Variants in TLK1 observed in about 807,000 individuals in gnomAD.
TLK1 encodes the protein tousled like kinase 1.
A neutral mutation model predicts 105.3 loss-of-function variants in TLK1; 24 were observed. That is an observed-to-expected ratio of 0.23 (90% CI 0.17 to 0.32). The LOEUF (loss-of-function observed/expected upper bound fraction) is 0.32. Ranked by LOEUF, TLK1 falls within the 10% of genes least tolerant of loss-of-function variation. The pLI is 1.00. For synonymous variants in TLK1, 321 were observed against 310.4 expected, an observed-to-expected ratio of 1.03 and a Z score of -0.36; for missense variants, 558 against 910.5, an observed-to-expected ratio of 0.61 and a Z score of 4.98.
chr2:171,115,571 C>G (rs1042233550), intron 2 of TLK1, among the ~76,000 whole-genome samples: 1 of 152,056 alleles, frequency 6.6e-6, no homozygotes, highest in Admixed American at 6.5e-5. Flanking sequence ...CATTTTCCAC[C>G]CACGATGGCC....
intron 10 of TLK1, among the ~76,000 whole-genome samples, chr2:171,047,259 T>G (rs554844824): frequency 6.6e-6 from 1 of 152,328 alleles, no homozygotes; most frequent in South Asian, 2.1e-4. Context: ...TGAAGCTTTT[T>G]AAAACCAACT....
In TLK1 at chr2:171,160,208, CGGGGGGGGCGGG is replaced by C. The variant is rs1324301893; in HGVS notation, c.139+70_139+81del. ...AGGGTCTGGCGGAGAAGCCCCGGGG[CGGGGGGGGCGGG>C]GGGGGGGCGCGGGGGTCCGCGGCGC... On this transcript the variant is annotated intron_variant, in intron 1 of 20. Coordinates refer to ENST00000431350, the MANE Select transcript of TLK1 (RefSeq NM_012290.5). This position sits in a 1 kb window ranked among gnomAD's most constrained non-coding sequence, Gnocchi z 4.4. 8.9e-7 allele frequency: 1 copy of C among 1,123,924 alleles called. No individual in the cohort carries two copies. The allele number at this position is 1,123,924 out of a possible 1,614,324, so 69.6% of individuals were successfully genotyped here. A position where few individuals can be genotyped will look rare whatever the true frequency, so the allele number is the denominator to read the frequency against.
chr2:171,031,511 G>C (rs551130308), intron 11 of TLK1, among the ~76,000 whole-genome samples: 5 of 152,216 alleles, frequency 3.3e-5, no homozygotes, highest in South Asian at 4.1e-4. Flanking sequence ...ATAAGGCAAA[G>C]ATATAATCCA....
At chr2:170,999,861 C>T (rs769291136) in intron 18 of TLK1, among the ~76,000 whole-genome samples, 6 of 152,084 alleles carry the variant, frequency 3.9e-5, no homozygotes, top group East Asian at 3.9e-4. Context: ...AAGCCTCAAG[C>T]GATTCTCCCA....
chr2:171,195,450 C>T (rs1315536392), intron 1 of TLK1, among the ~76,000 whole-genome samples: 2 of 149,188 alleles, frequency 1.3e-5, no homozygotes, highest in East Asian at 3.9e-4. Flanking sequence ...TTGCAGTCAG[C>T]CCAGATGGCG....
chr2:171,146,767 G>C (rs905041935), intron 1 of TLK1, among the ~76,000 whole-genome samples: 1 of 152,256 alleles, frequency 6.6e-6, no homozygotes, highest in South Asian at 2.1e-4. Flanking sequence ...CAACCTCTGT[G>C]GCAGAAATAC....
intron 1 of TLK1, among the ~76,000 whole-genome samples, chr2:171,156,104 G>A (rs1177545072): frequency 6.6e-6 from 1 of 151,990 alleles, no homozygotes; most frequent in Non-Finnish European, 1.5e-5. Flanking sequence ...ACAAAAAACT[G>A]CCACTTGTTG....
chr2:171,007,495 A>C (rs1684701823), intron 14 of TLK1, among the ~76,000 whole-genome samples: 1 of 151,984 alleles, frequency 6.6e-6, no homozygotes, highest in African/African-American at 2.4e-5. Flanking sequence ...TTTTAGAAAA[A>C]TTAAAAAGTT....
chr2:171,002,905 AG>A (rs1322705735), intron 18 of TLK1, among the ~76,000 whole-genome samples: 1 of 151,924 alleles, frequency 6.6e-6, no homozygotes, highest in Non-Finnish European at 1.5e-5. Flanking sequence ...GCCTCCCAAA[AG>A]TGCTGGGATT....
chr2:171,013,651 ATTTC>A (rs1685038549), intron 13 of TLK1, among the ~76,000 whole-genome samples: 1 of 152,108 alleles, frequency 6.6e-6, no homozygotes, highest in Admixed American at 6.5e-5. Context: ...TTCCATAACT[ATTTC>A]TTTCTCTTCA....
At chr2:171,059,832 A>C (rs982357625) in intron 4 of TLK1, 1 of 769,950 alleles carries the variant, frequency 1.3e-6, no homozygotes, top group African/African-American at 1.7e-5. Context: ...GCAGTTCACA[A>C]TAAGGTTCAC....
At chr2:171,021,492 T>A (rs2105382709) in intron 12 of TLK1, among the ~76,000 whole-genome samples, 1 of 145,466 alleles carries the variant, frequency 6.9e-6, no homozygotes, top group East Asian at 2.0e-4. Flanking sequence ...GATTTCCAAC[T>A]CCTGGGCTGA....
intron 11 of TLK1, among the ~76,000 whole-genome samples, chr2:171,032,085 GAACAAC>G (rs72322853): frequency 9.2e-5 from 14 of 151,362 alleles, no homozygotes; most frequent in Admixed American, 5.9e-4. Flanking sequence ...GAAAAGAAAA[GAACAAC>G]AACAACAACA....
intron 11 of TLK1, among the ~76,000 whole-genome samples, chr2:171,037,106 A>T (rs558949249): frequency 6.2e-4 from 94 of 152,282 alleles, no homozygotes; most frequent in Admixed American, 2.1e-3. Flanking sequence ...TAAATTAAAA[A>T]GAAGCAACAG....
chr2:171,189,249 C>A (rs1693097602), intron 1 of TLK1, among the ~76,000 whole-genome samples: 2 of 150,622 alleles, frequency 1.3e-5, no homozygotes, highest in Admixed American at 1.3e-4. Flanking sequence ...TCACTGCAGG[C>A]TCCACCTCCT....
At position 171,134,740 on chromosome 2, in the gene TLK1, T is replaced by A. The variant is rs866372891; in HGVS notation, c.140-16883A>T. Among the ~76,000 whole-genome samples, 1,216 of 146,188 alleles carry A rather than the reference T, an allele frequency of 8.3e-3. 28 individuals are homozygous for A. Among genetic ancestry groups the A allele is most frequent in the African/African-American group, 0.029 (1,143 of 39,516 alleles). ...ACTATTTGGCCTTTTTTTTTTTTTT[T>A]TTTTTTTTGAGACAGGGTCTTGCTC... On this transcript the variant is annotated intron_variant, in intron 1 of 20. Coordinates refer to ENST00000431350, the MANE Select transcript of TLK1 (RefSeq NM_012290.5).
At chr2:171,206,181 G>C (rs1693502950) in intron 1 of TLK1, among the ~76,000 whole-genome samples, 1 of 152,146 alleles carries the variant, frequency 6.6e-6, no homozygotes, top group African/African-American at 2.4e-5. Flanking sequence ...CCTCAACTAT[G>C]TAAGATTATC....
intron 3 of TLK1, among the ~76,000 whole-genome samples, chr2:171,075,445 T>C (rs1688457254): frequency 6.6e-6 from 1 of 152,202 alleles, no homozygotes; most frequent in East Asian, 1.9e-4. Flanking sequence ...ATAGAGATAG[T>C]ATATATTTTA....
chr2:171,158,360 T>A (rs1692316791), intron 1 of TLK1, among the ~76,000 whole-genome samples: 1 of 152,096 alleles, frequency 6.6e-6, no homozygotes, highest in Non-Finnish European at 1.5e-5. Flanking sequence ...CCGGAAAAAA[T>A]TATGGTTATT....
Sources: allele counts gnomAD v4.1 joint callset (sites outside exome capture counted in the v4.1 genomes callset), GRCh38; gene constraint gnomAD v4.1.1; non-coding constraint Gnocchi (gnomAD v3.1); transcripts MANE v1.5; gene names NCBI Gene and HGNC (gene_info 2026-07-23, HGNC 2026-07-21).